ETFRF1: variants seen among roughly 807,000 people sequenced by gnomAD.
The protein encoded by ETFRF1 is electron transfer flavoprotein regulatory factor 1, also known as LYR motif containing 5.
In ETFRF1, 12 loss-of-function variants were observed where a neutral mutation model predicts 9.0. That is an observed-to-expected ratio of 1.34 (90% confidence interval 0.86 to 2.16). The LOEUF (loss-of-function observed/expected upper bound fraction) is 2.16, where lower values mean the gene tolerates loss of function less well. ETFRF1 is among the 30% of genes most tolerant of loss of function. The pLI is 0.00. For synonymous variants in ETFRF1, 34 were observed against 33.2 expected (o/e 1.02, Z -0.08); for missense variants, 98 against 101.8 (o/e 0.96, Z 0.16).
intron 1 of ETFRF1, 22 bp downstream of exon 1, chr12:25,195,359 G>C: frequency 1.7e-6 from 1 of 591,534 alleles, no homozygotes; most frequent in South Asian, 2.0e-5. Context: ...CCGCCGCCGG[G>C]GAGTTTTGTT....
chr12:25,198,390 AG>A (rs1951047780), intron 1 of ETFRF1, among the ~76,000 whole-genome samples: 1 of 152,186 alleles, frequency 6.6e-6, no homozygotes, highest in Non-Finnish European at 1.5e-5. Context: ...AGGCCCACCC[AG>A]AGCACCCTAA....
Position 25,201,500 on chromosome 12 carries a change from G to A in ETFRF1, c.-37-2420G>A, listed in dbSNP as rs550814990. ...GAAGTCATTAGAGGCTATCTTGGTA[G>A]AGATGGGGAAGGAGAAGCAATTGGA... is the stretch of plus-strand genomic sequence containing the variant. On this transcript the variant is annotated intron_variant, in intron 1 of 2. Transcript: ENST00000381356. 2.4e-4 allele frequency among the ~76,000 whole-genome samples: 36 copies of A among 152,324 alleles called. No individual in the cohort carries two copies. The South Asian group carries it at 7.0e-3, about 30-fold the overall frequency.
Position 25,202,063 on chromosome 12 carries a change from C to CAAAAAAAAAAAAAAAAAAAAAAAAAAAA in ETFRF1, c.-37-1837_-37-1836insAAAAAAAAAAAAAAAAAAAAAAAAAAAA, listed in dbSNP as rs149050811. Among the ~76,000 whole-genome samples the CAAAAAAAAAAAAAAAAAAAAAAAAAAAA allele has an allele frequency of 1.5e-4, 8 of 52,808 alleles. 1 individual carries two copies. Among genetic ancestry groups the CAAAAAAAAAAAAAAAAAAAAAAAAAAAA allele is most frequent in the South Asian group, 8.6e-4 (1 of 1,168 alleles). 34.6% of individuals were successfully genotyped at this position (52,808 alleles called of 152,430 possible). A position where few individuals can be genotyped will look rare whatever the true frequency, so the allele number is the denominator to read the frequency against. ...GTGAAACCCCGTCTCTACTGAAATA[C>CAAAAAAAAAAAAAAAAAAAAAAAAAAAA]AAAAAAAAAAAAAAAAAAAATTAGC... On this transcript the variant is annotated intron_variant, in intron 1 of 2. Coordinates refer to ENST00000381356, the MANE Select transcript of ETFRF1 (RefSeq NM_001001660.3).
intron 1 of ETFRF1, among the ~76,000 whole-genome samples, chr12:25,198,390 A>G (rs951440497): frequency 6.6e-6 from 1 of 152,186 alleles, no homozygotes; most frequent in Admixed American, 6.5e-5. Context: ...AGGCCCACCC[A>G]GAGCACCCTA....
chr12:25,201,035 A>G (rs968764862), intron 1 of ETFRF1, among the ~76,000 whole-genome samples: 2 of 152,190 alleles, frequency 1.3e-5, no homozygotes, highest in African/African-American at 2.4e-5. Context: ...TGTCTTGACC[A>G]TGTGGTGATG....
At chr12:25,203,814 T>G in intron 1 of ETFRF1, 106 bp from the exon 2 acceptor site, 1 of 618,714 alleles carries the variant, frequency 1.6e-6, no homozygotes, top group Non-Finnish European at 2.6e-6. Flanking sequence ...TCAAGAAATA[T>G]TTATTGAATG....
At chr12:25,203,141 T>C (rs779672371) in intron 1 of ETFRF1, among the ~76,000 whole-genome samples, 9 of 152,090 alleles carry the variant, frequency 5.9e-5, no homozygotes, top group African/African-American at 9.7e-5. Flanking sequence ...ATGGAACAAA[T>C]TGCAGTTGCA....
chr12:25,196,894 C>G (rs1483238130), intron 1 of ETFRF1, among the ~76,000 whole-genome samples: 1 of 152,186 alleles, frequency 6.6e-6, no homozygotes, highest in Non-Finnish European at 1.5e-5. Flanking sequence ...GTGGCTCACG[C>G]CTGTAATCCC....
intron 1 of ETFRF1, among the ~76,000 whole-genome samples, chr12:25,196,488 T>G (rs1293107335): frequency 6.6e-6 from 1 of 152,146 alleles, no homozygotes; most frequent in African/African-American, 2.4e-5. Flanking sequence ...TGGGGAACAA[T>G]GATTAACAAC....
At chr12:25,201,395 G>A (rs1020534835) in intron 1 of ETFRF1, among the ~76,000 whole-genome samples, 1 of 152,076 alleles carries the variant, frequency 6.6e-6, no homozygotes, top group African/African-American at 2.4e-5. Context: ...TGCTAGATTC[G>A]TGCTTGCTGC....
rs1022959059 is a variant in ETFRF1, at chr12:25,195,277, G to A, written c.-98G>A. On this transcript the variant is annotated 5_prime_UTR_variant, in exon 1 of 3. Coordinates refer to ENST00000381356, the MANE Select transcript of ETFRF1 (RefSeq NM_001001660.3). Reference sequence around the variant, plus strand: ...ACCTCCCCCAACGCCACCCCGCTTCGCAGTAGACGGACAGAGGAGTCGTAG... The same window carrying A: ...ACCTCCCCCAACGCCACCCCGCTTCACAGTAGACGGACAGAGGAGTCGTAG... 2 of 646,434 alleles carry A rather than the reference G, an allele frequency of 3.1e-6. No homozygotes were observed. Among genetic ancestry groups the A allele is most frequent in the East Asian group, 2.7e-5 (1 of 36,842 alleles). The allele number at this position is 646,434 out of a possible 1,614,324, so 40.0% of individuals were successfully genotyped here.
At chr12:25,202,773 A>C (rs964955848) in intron 1 of ETFRF1, among the ~76,000 whole-genome samples, 5 of 152,196 alleles carry the variant, frequency 3.3e-5, no homozygotes, top group African/African-American at 1.2e-4. Context: ...CTCACTGTTC[A>C]GCAAGAGTAT....
At chr12:25,199,790 A>G (rs1289497737) in intron 1 of ETFRF1, among the ~76,000 whole-genome samples, 1 of 152,124 alleles carries the variant, frequency 6.6e-6, no homozygotes, top group Non-Finnish European at 1.5e-5. Context: ...TATTTTTAAC[A>G]TCTCTATAGT....
At chr12:25,197,867 G>A (rs1951042912) in intron 1 of ETFRF1, among the ~76,000 whole-genome samples, 1 of 151,954 alleles carries the variant, frequency 6.6e-6, no homozygotes, top group Admixed American at 6.6e-5. Context: ...TAATATAGTG[G>A]GTTAAATACC....
chr12:25,204,229 A>C lies in ETFRF1; in HGVS notation c.190A>C (p.Lys64Gln). The C allele has an allele frequency of 1.2e-6, 2 of 1,612,180 alleles. No homozygotes were observed. The highest frequency in any genetic ancestry group is 1.7e-6 in the Non-Finnish European group (2 of 1,179,366). ...ELIAQGEFVM[K>Q]ELEALYFLRK... ...TATTGCACAGGGCGAATTTGTAATG[A>C]AAGAGCTAGAAGCTTTGTACTTCCT... is the stretch of plus-strand genomic sequence containing the variant. The change falls in exon 3 of 3, where the codon AAA (lysine) becomes CAA (glutamine). Residue 64 changes from lysine (K) to glutamine (Q), a missense_variant. Transcript: ENST00000381356.
Position 25,204,159 on chromosome 12 carries a change from C to T in ETFRF1, c.120C>T (p.Phe40=). The change falls in exon 3 of 3, where the codon TTC becomes TTT. Residue 40 remains phenylalanine, a synonymous_variant. Transcript: ENST00000381356. ...TTAAAAAGCGTTTGAAGAACATTTTCCTTAAAAACAAAGATGTGAAGAATC... is the reference window on the plus strand; with the variant it reads ...TTAAAAAGCGTTTGAAGAACATTTTTCTTAAAAACAAAGATGTGAAGAATC... ...DYFKKRLKNI[F]LKNKDVKNPE... The T allele has an allele frequency of 6.2e-7, 1 of 1,612,548 alleles. No homozygotes were observed. The highest frequency in any genetic ancestry group is 8.5e-7 in the Non-Finnish European group (1 of 1,179,228).
chr12:25,199,231 TAG>T (rs1223207891), intron 1 of ETFRF1, among the ~76,000 whole-genome samples: 1 of 149,072 alleles, frequency 6.7e-6, no homozygotes, highest in African/African-American at 2.4e-5. Context: ...TTTGTTTCCA[TAG>T]AAACAAAAAT....
intron 1 of ETFRF1, among the ~76,000 whole-genome samples, chr12:25,199,218 ATTT>A (rs891326769): frequency 1.3e-5 from 2 of 149,340 alleles, no homozygotes; most frequent in African/African-American, 2.4e-5. Context: ...TAGTATACAT[ATTT>A]TTGTTTCCAT....
intron 1 of ETFRF1, among the ~76,000 whole-genome samples, chr12:25,197,110 C>T (rs1951035070): frequency 6.6e-6 from 1 of 151,226 alleles, no homozygotes; most frequent in South Asian, 2.1e-4. Context: ...GCCAAGATCG[C>T]ACCACTACAC....
Sources: gnomAD v4.1 joint callset for allele counts (sites outside exome capture counted in the v4.1 genomes callset) on GRCh38, gnomAD v4.1.1 for gene constraint, MANE v1.5 for transcripts, NCBI Gene and HGNC (gene_info 2026-07-23, HGNC 2026-07-21) for gene names.